DENND1A: variants seen among roughly 807,000 people sequenced by gnomAD.
The protein encoded by DENND1A is DENN domain containing 1A, also known as DENN domain-containing protein 1A.
A neutral mutation model predicts 113.7 loss-of-function variants in DENND1A; 51 were observed. The ratio of observed to expected loss-of-function variants is 0.45; its 90% CI spans 0.36 to 0.57. DENND1A has a LOEUF of 0.57. DENND1A is among the 20% of genes least tolerant of loss of function. DENND1A has a pLI of 0.00. For synonymous variants in DENND1A, 565 were observed against 570.8 expected (o/e 0.99, Z 0.14); for missense variants, 1,258 against 1,395.9 (o/e 0.90, Z 1.57).
intron 5 of DENND1A, among the ~76,000 whole-genome samples, chr9:123,708,559 A>G (rs778513723): frequency 2.6e-5 from 4 of 152,160 alleles, no homozygotes; most frequent in Non-Finnish European, 5.9e-5. Context: ...AAGTATATTC[A>G]TGACCAGAAA....
At chr9:123,726,565 T>A (rs1194582386) in intron 5 of DENND1A, among the ~76,000 whole-genome samples, 1 of 152,088 alleles carries the variant, frequency 6.6e-6, no homozygotes, top group Admixed American at 6.5e-5. Flanking sequence ...ATGAAGAGAA[T>A]AGAGGGAGGA....
chr9:123,742,463 A>T (rs888983303), intron 5 of DENND1A, among the ~76,000 whole-genome samples: 2 of 152,204 alleles, frequency 1.3e-5, no homozygotes, highest in African/African-American at 2.4e-5. Context: ...TTTTTCTGTA[A>T]TCCCTTGAGA....
At position 123,637,929 on chromosome 9, in the gene DENND1A, A is replaced by G. The variant is rs149718238; in HGVS notation, c.619-7453T>C. ...GGAATAAACACACACACACACACACACACGCACACACACACACACACGCGC... is the reference window on the plus strand; with the variant it reads ...GGAATAAACACACACACACACACACGCACGCACACACACACACACACGCGC... On this transcript the variant is annotated intron_variant, in intron 9 of 23. Transcript: ENST00000394215. Among the ~76,000 whole-genome samples the G allele has an allele frequency of 9.1e-3, 806 of 88,136 alleles. 6 individuals carry two copies. The highest frequency in any genetic ancestry group is 0.014 in the Non-Finnish European group (633 of 46,030). The allele number at this position is 88,136 out of a possible 152,430, so 57.8% of individuals were successfully genotyped here.
At chr9:123,808,253 C>CG (rs1835940673) in intron 2 of DENND1A, among the ~76,000 whole-genome samples, 1 of 151,866 alleles carries the variant, frequency 6.6e-6, no homozygotes, top group Admixed American at 6.6e-5. Flanking sequence ...AAAAAAAACA[C>CG]CAAAAAACCT....
intron 5 of DENND1A, among the ~76,000 whole-genome samples, chr9:123,703,773 TG>T: frequency 1.3e-5 from 2 of 152,144 alleles, no homozygotes; most frequent in Admixed American, 1.3e-4. Context: ...TAATTGACAA[TG>T]AAAGAAAACA....
At chr9:123,414,211 A>G in intron 19 of DENND1A, 1 of 1,131,758 alleles carries the variant, frequency 8.8e-7, no homozygotes. Flanking sequence ...TCATCTGTGA[A>G]GTACAGGTAA....
chr9:123,901,439 T>G (rs1381170116), intron 1 of DENND1A, among the ~76,000 whole-genome samples: 1 of 152,180 alleles, frequency 6.6e-6, no homozygotes, highest in Non-Finnish European at 1.5e-5. Context: ...ATCACCACAC[T>G]CTGCGATTCC....
At position 123,760,366 on chromosome 9, in the gene DENND1A, T is replaced by C. The variant is rs560251174; in HGVS notation, c.183-2544A>G. Reference sequence around the variant, plus strand: ...TTTTCAAGGTATTCCAATACAAAGGTCAATGGACTCTGCCTGGTCATATTT... The same window carrying C: ...TTTTCAAGGTATTCCAATACAAAGGCCAATGGACTCTGCCTGGTCATATTT... On this transcript the variant is annotated intron_variant, in intron 4 of 23. Transcript: ENST00000394215. Among the ~76,000 whole-genome samples, 29 of 152,290 alleles carry C rather than the reference T, an allele frequency of 1.9e-4. No individual in the cohort carries two copies. The South Asian group carries it at 6.0e-3, about 32-fold the overall frequency.
At chr9:123,435,292 C>G (rs552148356) in intron 19 of DENND1A, among the ~76,000 whole-genome samples, 2 of 152,264 alleles carry the variant, frequency 1.3e-5, no homozygotes, top group East Asian at 3.9e-4. Flanking sequence ...GGCATCTTCT[C>G]CAGCCTAGCA....
intron 10 of DENND1A, among the ~76,000 whole-genome samples, chr9:123,621,165 A>C (rs1396471145): frequency 1.3e-5 from 2 of 152,022 alleles, no homozygotes; most frequent in Non-Finnish European, 2.9e-5. Flanking sequence ...TGATGCAAAA[A>C]AAAAATTCAG....
rs369033966 is a variant in DENND1A at position 123,671,642 on chromosome 9, C to T, written c.373-271G>A. 7.9e-5 allele frequency among the ~76,000 whole-genome samples: 12 copies of T among 152,234 alleles called. No homozygotes were observed. In the East Asian group the frequency reaches 1.9e-3, roughly 25 times the overall value. ...CCTTTTATGGATCATATACCATAAG[C>T]TCTCAGCAAATCTATCCCCTAAACT... On this transcript the variant is annotated intron_variant, in intron 6 of 23. Coordinates refer to ENST00000394215, the MANE Select transcript of DENND1A (RefSeq NM_001352964.2).
intron 1 of DENND1A, among the ~76,000 whole-genome samples, chr9:123,921,370 T>C (rs2134162701): frequency 6.6e-6 from 1 of 152,272 alleles, no homozygotes; most frequent in South Asian, 2.1e-4. Context: ...GGAGAATGTA[T>C]AGTTCTGGGA....
At chr9:123,827,992 A>G (rs535119743) in intron 2 of DENND1A, among the ~76,000 whole-genome samples, 1 of 152,338 alleles carries the variant, frequency 6.6e-6, no homozygotes, top group East Asian at 1.9e-4. Flanking sequence ...TCAATAAAAA[A>G]TTACGAAGTA....
intron 9 of DENND1A, among the ~76,000 whole-genome samples, chr9:123,640,930 G>A (rs1213189715): frequency 6.6e-6 from 1 of 152,230 alleles, no homozygotes; most frequent in African/African-American, 2.4e-5. Flanking sequence ...CTCCACTCCT[G>A]CTGTCTTTTT....
chr9:123,670,447 C>T (rs78430309), intron 7 of DENND1A, among the ~76,000 whole-genome samples: 226 of 152,304 alleles, frequency 1.5e-3, no homozygotes, highest in African/African-American at 5.3e-3. Flanking sequence ...AGATCTCCCA[C>T]ACCTCTTCTG....
At chr9:123,756,836 G>T (rs1476997014) in intron 5 of DENND1A, among the ~76,000 whole-genome samples, 2 of 152,140 alleles carry the variant, frequency 1.3e-5, no homozygotes, top group Non-Finnish European at 2.9e-5. Flanking sequence ...TCCATAGAGG[G>T]TCTGGCCTTT....
intron 13 of DENND1A, among the ~76,000 whole-genome samples, chr9:123,523,903 G>A (rs923379893): frequency 6.6e-6 from 1 of 152,092 alleles, no homozygotes; most frequent in Non-Finnish European, 1.5e-5. Context: ...AGGTGATCAT[G>A]GGCAGAGGAC....
chr9:123,709,368 G>C (rs1037707226), intron 5 of DENND1A, among the ~76,000 whole-genome samples: 1 of 152,178 alleles, frequency 6.6e-6, no homozygotes, highest in Non-Finnish European at 1.5e-5. Flanking sequence ...ATCAAGCACT[G>C]ATTCTTATAC....
At chr9:123,909,449 G>A (rs985657245) in intron 1 of DENND1A, among the ~76,000 whole-genome samples, 5 of 149,410 alleles carry the variant, frequency 3.3e-5, no homozygotes, top group African/African-American at 9.8e-5. Context: ...AATTATAATC[G>A]TCTCAAGAGA....
Sources: gnomAD v4.1 joint callset for allele counts (sites outside exome capture counted in the v4.1 genomes callset) on GRCh38, gnomAD v4.1.1 for gene constraint, MANE v1.5 for transcripts, NCBI Gene and HGNC (gene_info 2026-07-23, HGNC 2026-07-21) for gene names.